The following XRN2 variants were observed in gnomAD, a reference collection of about 807,000 sequenced individuals.
XRN2 encodes DHM1-like protein.
Under a neutral mutation model 138.5 loss-of-function variants are expected in XRN2, and 44 were observed. The ratio of observed to expected loss-of-function variants is 0.32; its 90% confidence interval spans 0.25 to 0.41. XRN2 has a LOEUF of 0.41. XRN2 is among the 10% of genes least tolerant of loss of function. The pLI is 1.00. For missense variants in XRN2, 937 were observed against 1,169.3 expected (o/e 0.80, Z 2.90); for synonymous variants, 354 against 369.4 (o/e 0.96, Z 0.48).
intron 1 of XRN2, among the ~76,000 whole-genome samples, chr20:21,306,821 A>G (rs1320547312): frequency 1.3e-5 from 1 of 75,186 alleles, no homozygotes; most frequent in African/African-American, 3.6e-5. Context: ...CATCCTGGCT[A>G]ACATGGTGAA....
intron 6 of XRN2, among the ~76,000 whole-genome samples, 144 bp from the exon 7 acceptor site, chr20:21,331,399 TCACACACACACACACACA>T (rs71806398): frequency 2.1e-4 from 30 of 143,952 alleles, no homozygotes; most frequent in African/African-American, 2.6e-4. Context: ...TTGGTGTTTT[TCACACACACACACACACA>T]CACACACACA....
In XRN2 at chr20:21,365,448, T is replaced by C. The variant is rs1436666807; in HGVS notation, c.2283T>C (p.Ala761=). Residue 761 remains alanine (A), a synonymous_variant, in exon 25 of 30, where the codon GCT becomes GCC. Transcript: ENST00000377191. ...TTAATTTTAAAGACCCACAGTTTGC[T>C]GAAGATTACATTTTTAAAGCTGTAA... ...VSINFKDPQF[A]EDYIFKAVML... 6.2e-7 allele frequency: 1 copy of C among 1,613,762 alleles called. No homozygotes were observed. Among genetic ancestry groups the C allele is most frequent in the Non-Finnish European group, 8.5e-7 (1 of 1,179,942 alleles).
intron 29 of XRN2, 53 bp downstream of exon 29, chr20:21,387,059 C>G: frequency 6.4e-7 from 1 of 1,558,386 alleles, no homozygotes; most frequent in Non-Finnish European, 8.8e-7. Context: ...TTCAACAAGC[C>G]TCACAGGACT....
intron 27 of XRN2, among the ~76,000 whole-genome samples, chr20:21,377,022 TA>T (rs57450439): frequency 0.033 from 4,954 of 151,954 alleles, 261 homozygotes; most frequent in African/African-American, 0.11. Flanking sequence ...CTCTTGGTTA[TA>T]AAAAAAACCT....
At chr20:21,309,559 CA>C (rs989487212) in intron 1 of XRN2, among the ~76,000 whole-genome samples, 13 of 151,494 alleles carry the variant, frequency 8.6e-5, no homozygotes, top group African/African-American at 3.2e-4. Flanking sequence ...CTTTTTTTTT[CA>C]GCTCATCAGC....
intron 20 of XRN2, 83 bp downstream of exon 20, chr20:21,349,544 T>C: frequency 1.4e-5 from 16 of 1,172,480 alleles, no homozygotes; most frequent in Non-Finnish European, 2.0e-5. Context: ...AGATAAATAT[T>C]TTAGCCTGGG....
At chr20:21,321,125 C>A (rs553680675) in intron 1 of XRN2, among the ~76,000 whole-genome samples, 143 of 152,054 alleles carry the variant, frequency 9.4e-4, no homozygotes, top group Non-Finnish European at 1.9e-3. Flanking sequence ...AGGTGATTCT[C>A]CCACCTCAGC....
At chr20:21,328,790 C>G in intron 4 of XRN2, 120 bp downstream of exon 4, 3 of 842,030 alleles carry the variant, frequency 3.6e-6, no homozygotes, top group Admixed American at 2.5e-5. Flanking sequence ...CCCAGAATAT[C>G]CAGTGTTCAC....
intron 24 of XRN2, among the ~76,000 whole-genome samples, chr20:21,358,382 A>G (rs2038599480): frequency 6.6e-6 from 1 of 152,220 alleles, no homozygotes; most frequent in African/African-American, 2.4e-5. Flanking sequence ...AAAATGTAAT[A>G]TGACCATTTG....
At chr20:21,339,125 G>A (rs371243737) in intron 14 of XRN2, 37 bp downstream of exon 14, 17 of 1,568,758 alleles carry the variant, frequency 1.1e-5, no homozygotes, top group East Asian at 2.3e-5. Context: ...TGGCAATAGC[G>A]TAATTTTACA....
At chr20:21,384,650 G>T (rs1383549479) in intron 28 of XRN2, among the ~76,000 whole-genome samples, 1 of 152,086 alleles carries the variant, frequency 6.6e-6, no homozygotes, top group East Asian at 1.9e-4. Context: ...ACACCACCAT[G>T]CCTGGCTGAT....
intron 1 of XRN2, among the ~76,000 whole-genome samples, chr20:21,308,338 G>A (rs573094927): frequency 4.6e-5 from 7 of 152,272 alleles, no homozygotes; most frequent in Non-Finnish European, 7.4e-5. Context: ...TTGTAGGGAC[G>A]TATGCTTGCA....
intron 3 of XRN2, among the ~76,000 whole-genome samples, chr20:21,327,172 G>A (rs2038139952): frequency 6.6e-6 from 1 of 152,114 alleles, no homozygotes; most frequent in African/African-American, 2.4e-5. Context: ...GAATTGAGAA[G>A]GGAAGTATAG....
chr20:21,387,131 C>G (rs776131773), intron 29 of XRN2, 125 bp downstream of exon 29: 12 of 1,328,096 alleles, frequency 9.0e-6, no homozygotes, highest in Non-Finnish European at 1.2e-5. Flanking sequence ...AGTAGCTTGG[C>G]TGAACTTGGG....
intron 20 of XRN2, among the ~76,000 whole-genome samples, chr20:21,352,562 C>T (rs748978645): frequency 6.6e-6 from 1 of 152,082 alleles, no homozygotes; most frequent in Non-Finnish European, 1.5e-5. Context: ...AACTCCTGAC[C>T]TCAGGTGATC....
intron 1 of XRN2, among the ~76,000 whole-genome samples, chr20:21,308,854 C>T (rs1215871730): frequency 6.6e-6 from 1 of 151,962 alleles, no homozygotes; most frequent in African/African-American, 2.4e-5. Context: ...CTTTATATTT[C>T]TGCTTTTTGT....
At chr20:21,340,672 C>T (rs375604008) in intron 14 of XRN2, 49 bp from the exon 15 acceptor site, 5 of 1,589,758 alleles carry the variant, frequency 3.1e-6, no homozygotes, top group Non-Finnish European at 1.7e-6. Flanking sequence ...TGTCATCTAA[C>T]TGTGTTGTGA....
At chr20:21,304,956 T>C (rs1322310051) in intron 1 of XRN2, among the ~76,000 whole-genome samples, 2 of 152,196 alleles carry the variant, frequency 1.3e-5, no homozygotes, top group Non-Finnish European at 1.5e-5. Flanking sequence ...ATTGACACTG[T>C]GTAGATTCAG....
rs184889388 is a variant in XRN2, at chr20:21,376,862, T to C, written c.2585-5132T>C. On this transcript the variant is annotated intron_variant, in intron 27 of 29. Transcript: ENST00000377191. ...GGGGGTCAAAGTGCCTGAAATACTTTAGAGGCATCTGTGCTAGGTAGTCAT... is the reference window on the plus strand; with the variant it reads ...GGGGGTCAAAGTGCCTGAAATACTTCAGAGGCATCTGTGCTAGGTAGTCAT... Among the ~76,000 whole-genome samples, 152 of 152,290 alleles carry C rather than the reference T, an allele frequency of 1.0e-3. 1 individual carries two copies. The highest frequency in any genetic ancestry group is 1.6e-3 in the Non-Finnish European group (111 of 68,014).
Sources: gnomAD v4.1 joint callset for allele counts (sites outside exome capture counted in the v4.1 genomes callset) on GRCh38, gnomAD v4.1.1 for gene constraint, MANE v1.5 for transcripts, NCBI Gene and HGNC (gene_info 2026-07-23, HGNC 2026-07-21) for gene names.